Variants in CLIC6 observed in about 807,000 individuals in gnomAD.
CLIC6 encodes the protein chloride intracellular channel protein 6.
CLIC6 carries 39 observed loss-of-function variants against 49.2 expected under a neutral mutation model. The observed-to-expected ratio is 0.79, with a 90% confidence interval of 0.61 to 1.04. The LOEUF (loss-of-function observed/expected upper bound fraction) is 1.04, where lower values mean the gene tolerates loss of function less well. CLIC6 is among the 50% of genes least tolerant of loss of function. The pLI, the probability that CLIC6 is intolerant of heterozygous loss-of-function variation, is 0.00. For synonymous variants in CLIC6, 446 were observed against 433.4 expected, an observed-to-expected ratio of 1.03 and a Z score of -0.36; for missense variants, 988 against 993.1, an observed-to-expected ratio of 0.99 and a Z score of 0.07.
chr21:34,685,473 C>A (rs1989859756), intron 1 of CLIC6, among the ~76,000 whole-genome samples: 1 of 152,160 alleles, frequency 6.6e-6, no homozygotes, highest in East Asian at 1.9e-4. Flanking sequence ...TTTTTTGGTG[C>A]CTTTGGTGTG....
In CLIC6 at chr21:34,718,047, A is replaced by T. The variant is rs2056097748; in HGVS notation, c.*1565A>T. ...GTCACCCTTGTCCACGTTGTTTCAC[A>T]TCTGGTTAGGGGGCAGATTTTAAAA... On this transcript the variant is annotated 3_prime_UTR_variant, in exon 6 of 6. Coordinates refer to ENST00000349499, the MANE Select transcript of CLIC6 (RefSeq NM_053277.3). 6.6e-6 allele frequency: 1 copy of T among 152,640 alleles called. No homozygotes were observed. Among genetic ancestry groups the T allele is most frequent in the Non-Finnish European group, 1.5e-5 (1 of 68,034 alleles). 9.5% of individuals were successfully genotyped at this position (152,640 alleles called of 1,614,324 possible).
chr21:34,709,559 C>T (rs770373227), intron 5 of CLIC6, 21 bp downstream of exon 5: 148 of 1,608,752 alleles, frequency 9.2e-5, no homozygotes, highest in Non-Finnish European at 1.2e-4. Context: ...CCTCCCGACA[C>T]GTGTGCCGAG....
intron 5 of CLIC6, among the ~76,000 whole-genome samples, chr21:34,712,890 C>CCCTAAT (rs1331141022): frequency 2.6e-5 from 4 of 152,046 alleles, no homozygotes; most frequent in African/African-American, 9.7e-5. Flanking sequence ...CTAACCCTAA[C>CCCTAAT]CGTAACTCTA....
At chr21:34,675,327 G>A (rs954766396) in intron 1 of CLIC6, among the ~76,000 whole-genome samples, 9 of 151,430 alleles carry the variant, frequency 5.9e-5, no homozygotes, top group East Asian at 3.9e-4. Flanking sequence ...CAGGACCAGC[G>A]TCTGATGGAC....
At chr21:34,714,611 C>T (rs1035121944) in intron 5 of CLIC6, among the ~76,000 whole-genome samples, 1 of 151,418 alleles carries the variant, frequency 6.6e-6, no homozygotes, top group Admixed American at 6.6e-5. Flanking sequence ...TCGCTTGAAC[C>T]TGGGAGGTGG....
intron 1 of CLIC6, among the ~76,000 whole-genome samples, chr21:34,672,486 C>T (rs1989584819): frequency 6.6e-6 from 1 of 152,214 alleles, no homozygotes; most frequent in African/African-American, 2.4e-5. Flanking sequence ...CCCTGTCTGC[C>T]CTCCTGCCTA....
At chr21:34,708,100 T>C (rs2070368) in intron 3 of CLIC6, 31 bp downstream of exon 3, 660,745 of 1,610,964 alleles carry the variant, frequency 0.41, 138,798 homozygotes, top group East Asian at 0.61. Flanking sequence ...GTTCATAACT[T>C]GATTGTCACT....
Position 34,709,464 on chromosome 21 carries a change from G to A in CLIC6, c.1825G>A (p.Gly609Arg). The A allele has an allele frequency of 6.2e-7, 1 of 1,614,014 alleles. No individual in the cohort carries two copies. Among genetic ancestry groups the A allele is most frequent in the East Asian group, 2.2e-5 (1 of 44,886 alleles). The change falls in exon 5 of 6, where the codon GGA becomes AGA. Residue 609 changes from glycine to arginine, a missense_variant. Around this residue, in one of 3 missense-constraint regions of CLIC6, gnomAD observed 647 missense variants for 596.9 expected, o/e 1.08. Transcript: ENST00000349499. Reference protein sequence around the residue: ...AYSTEDVTVSGRKFLDGDELT... With the variant: ...AYSTEDVTVSRRKFLDGDELT... The stretch of plus-strand genomic sequence containing the variant: ...CAGCACCGAGGATGTCACTGTTTCT[G>A]GAAGGAAGTTTCTGGATGGGGACGA...
At chr21:34,695,145 C>A (rs1387084127) in intron 1 of CLIC6, among the ~76,000 whole-genome samples, 2 of 152,218 alleles carry the variant, frequency 1.3e-5, no homozygotes, top group East Asian at 3.9e-4. Flanking sequence ...GCATTTCTTT[C>A]TGGAGGCTCT....
At chr21:34,710,108 AC>A (rs1383662062) in intron 5 of CLIC6, among the ~76,000 whole-genome samples, 1 of 151,476 alleles carries the variant, frequency 6.6e-6, no homozygotes, top group Non-Finnish European at 1.5e-5. Flanking sequence ...CCCCATCTAT[AC>A]AAAAAATAAA....
At chr21:34,680,538 T>A (rs908166519) in intron 1 of CLIC6, among the ~76,000 whole-genome samples, 68 of 152,356 alleles carry the variant, frequency 4.5e-4, no homozygotes, top group African/African-American at 1.6e-3. Flanking sequence ...TGGTTTTTCT[T>A]TTTCTATCAC....
chr21:34,669,724 C>A lies in CLIC6; in HGVS notation c.336C>A (p.Ser112Arg). 1 of 1,381,608 alleles carries A rather than the reference C, an allele frequency of 7.2e-7. No homozygotes were observed. Among genetic ancestry groups the A allele is most frequent in the Non-Finnish European group, 9.3e-7 (1 of 1,077,644 alleles). 85.6% of individuals were successfully genotyped at this position (1,381,608 alleles called of 1,614,324 possible). A position where few individuals can be genotyped will look rare whatever the true frequency, so the allele number is the denominator to read the frequency against. ...TSGAQQVEGA[S>R]PGRGAQGEPR... Reference sequence around the variant, plus strand: ...GCGCGCAGCAGGTGGAGGGGGCGAGCCCGGGACGCGGCGCGCAGGGCGAGC... The same window carrying A: ...GCGCGCAGCAGGTGGAGGGGGCGAGACCGGGACGCGGCGCGCAGGGCGAGC... The change falls in exon 1 of 6, where the codon AGC (serine) becomes AGA (arginine). Residue 112 changes from serine to arginine, a missense_variant. Physicochemically the swap from Ser to Arg is moderately radical, Grantham distance 110. This residue lies in a region of CLIC6 where 284 missense variants were observed against 278.6 expected (regional missense o/e 1.02). Transcript: ENST00000349499.
At chr21:34,706,387 C>T (rs993582112) in intron 1 of CLIC6, among the ~76,000 whole-genome samples, 3 of 152,184 alleles carry the variant, frequency 2.0e-5, no homozygotes, top group East Asian at 1.9e-4. Flanking sequence ...CAATCACTTC[C>T]CGTCAGGCCC....
intron 1 of CLIC6, among the ~76,000 whole-genome samples, chr21:34,704,965 G>T (rs1180511408): frequency 6.6e-6 from 1 of 152,104 alleles, no homozygotes; most frequent in Non-Finnish European, 1.5e-5. Flanking sequence ...TGAACAAGAT[G>T]CCCCTCACTG....
In CLIC6 at chr21:34,669,836, G is replaced by A. The variant is rs1398123470; in HGVS notation, c.448G>A (p.Gly150Ser). Residue 150 changes from glycine to serine, a missense_variant, in exon 1 of 6, where the codon GGT becomes AGT. Physicochemically the swap from Gly to Ser is moderately conservative, Grantham distance 56 (BLOSUM62 0). This residue lies in a region of CLIC6 where 284 missense variants were observed against 278.6 expected (regional missense o/e 1.02). Coordinates refer to ENST00000349499, the MANE Select transcript of CLIC6 (RefSeq NM_053277.3). ...GGAGCAGAGGCCTGAGGTCCCGGAAGGTAGCGCGTCCGGGGAGGCGGGGGA... is the reference window on the plus strand; with the variant it reads ...GGAGCAGAGGCCTGAGGTCCCGGAAAGTAGCGCGTCCGGGGAGGCGGGGGA... ...EAEQRPEVPE[G>S]SASGEAGDSV... The A allele has an allele frequency of 1.4e-6, 2 of 1,416,498 alleles. No individual in the cohort carries two copies. Among genetic ancestry groups the A allele is most frequent in the East Asian group, 5.8e-5 (2 of 34,372 alleles). The allele number at this position is 1,416,498 out of a possible 1,614,324, so 87.7% of individuals were successfully genotyped here.
At chr21:34,687,131 A>G (rs1361023894) in intron 1 of CLIC6, among the ~76,000 whole-genome samples, 2 of 152,150 alleles carry the variant, frequency 1.3e-5, no homozygotes, top group Admixed American at 1.3e-4. Context: ...GTGGGTGAAA[A>G]GACAGGGCCA....
At chr21:34,709,583 CTTTGTTTTAT>C in intron 5 of CLIC6, 45 bp downstream of exon 5, 1 of 1,547,574 alleles carries the variant, frequency 6.5e-7, no homozygotes, top group Non-Finnish European at 8.9e-7. Flanking sequence ...ACGAACGGGG[CTTTGTTTTAT>C]TTTGTTTTTA....
At position 34,670,686 on chromosome 21, in the gene CLIC6, A is replaced by G. The variant is rs1402234630; in HGVS notation, c.1298A>G (p.Asn433Ser). ...AEGSGEAARV[N>S]GRREDGEASE... ...GGTAGCGGCGAGGCCGCGCGCGTGA[A>G]CGGCCGCCGGGAGGACGGAGAGGCG... The change falls in exon 1 of 6, where the codon AAC (asparagine) becomes AGC (serine). Residue 433 changes from asparagine (N) to serine (S), a missense_variant. Physicochemically the swap from Asn to Ser is conservative, Grantham distance 46. Transcript: ENST00000349499. The G allele has an allele frequency of 6.3e-7, 1 of 1,579,940 alleles. No individual in the cohort carries two copies. The highest frequency in any genetic ancestry group is 1.8e-5 in the Admixed American group (1 of 56,650).
Position 34,707,355 on chromosome 21 carries a change from G to A in CLIC6, c.1450G>A (p.Val484Ile), listed in dbSNP as rs142788359. ...RLFMILWLKG[V>I]IFNVTTVDLK... The stretch of plus-strand genomic sequence containing the variant: ...CTTTATGATTCTCTGGCTGAAAGGC[G>A]TTATATTTAATGTGACCACAGTGGA... Residue 484 changes from valine to isoleucine, a missense_variant, in exon 2 of 6, where the codon GTT becomes ATT. Transcript: ENST00000349499. 5.0e-5 allele frequency: 81 copies of A among 1,613,608 alleles called. No individual in the cohort carries two copies. The highest frequency in any genetic ancestry group is 5.7e-5 in the Non-Finnish European group (67 of 1,179,840).
Sources: gnomAD v4.1 joint callset for allele counts (sites outside exome capture counted in the v4.1 genomes callset) on GRCh38, gnomAD v4.1.1 for gene constraint, gnomAD v4.1.1 regional missense constraint, MANE v1.5 for transcripts, NCBI Gene and HGNC (gene_info 2026-07-23, HGNC 2026-07-21) for gene names.